CBLN2: variants seen among roughly 807,000 people sequenced by gnomAD.
CBLN2 encodes the protein cerebellin-2.
CBLN2 carries 7 observed loss-of-function variants against 15.0 expected under a neutral mutation model. The observed-to-expected ratio is 0.47, with a 90% confidence interval of 0.27 to 0.88. The LOEUF is 0.88. Among genes scored for constraint, CBLN2 ranks in the 40% least tolerant of loss-of-function variants. CBLN2 has a pLI of 0.14. For missense variants in CBLN2, 242 were observed against 304.5 expected (o/e 0.79, Z 1.53); for synonymous variants, 149 against 135.2 (o/e 1.10, Z -0.71).
At chr18:72,572,049 T>C (rs2069335652) in intron 1 of CBLN2, among the ~76,000 whole-genome samples, 1 of 152,230 alleles carries the variant, frequency 6.6e-6, no homozygotes, top group Non-Finnish European at 1.5e-5. Flanking sequence ...CTGTGCTCTC[T>C]AAATCTTACC....
intron 1 of CBLN2, among the ~76,000 whole-genome samples, chr18:72,635,394 G>T (rs867376734): frequency 1.3e-5 from 2 of 152,158 alleles, no homozygotes; most frequent in African/African-American, 2.4e-5. Context: ...GGAGGCTAGA[G>T]TTAACAAGCA....
intron 1 of CBLN2, chr18:72,619,310 G>A (rs1331023995): frequency 1.9e-5 from 11 of 585,780 alleles, no homozygotes; most frequent in Non-Finnish European, 3.4e-5. Context: ...TGTGAACTCA[G>A]CCAAGCACAG....
chr18:72,551,494 G>A (rs190927453), intron 1 of CBLN2, among the ~76,000 whole-genome samples: 21 of 152,192 alleles, frequency 1.4e-4, no homozygotes, highest in Non-Finnish European at 2.5e-4. Context: ...ACTAAAAACC[G>A]ACAGAATTAG....
At chr18:72,597,016 T>C (rs602403) in intron 1 of CBLN2, among the ~76,000 whole-genome samples, 90 of 152,338 alleles carry the variant, frequency 5.9e-4, no homozygotes, top group African/African-American at 2.1e-3. Context: ...ACCCCTATCT[T>C]TCTCTCTATC....
intron 1 of CBLN2, among the ~76,000 whole-genome samples, chr18:72,633,915 T>A (rs1300299255): frequency 6.6e-6 from 1 of 152,016 alleles, no homozygotes; most frequent in Non-Finnish European, 1.5e-5. Flanking sequence ...AAATAAATAA[T>A]CCAGATTGCT....
upstream of CBLN2, among the ~76,000 whole-genome samples, chr18:72,549,333 C>G (rs1027234133): frequency 6.6e-6 from 1 of 152,162 alleles, no homozygotes; most frequent in Admixed American, 6.5e-5. Flanking sequence ...AAGCTTGCAG[C>G]TGATGCTGAT....
intron 1 of CBLN2, among the ~76,000 whole-genome samples, chr18:72,633,576 T>C (rs985616667): frequency 6.6e-6 from 1 of 152,156 alleles, no homozygotes; most frequent in Admixed American, 6.6e-5. Context: ...TTCTCCTGAA[T>C]ACACAACTGA....
At chr18:72,568,491 T>C (rs534323879) in intron 1 of CBLN2, among the ~76,000 whole-genome samples, 1 of 152,098 alleles carries the variant, frequency 6.6e-6, no homozygotes, top group South Asian at 2.1e-4. Flanking sequence ...TGATTACTTA[T>C]TAGATTTTCA....
chr18:72,626,782 A>G (rs1231089426), intron 1 of CBLN2, among the ~76,000 whole-genome samples: 1 of 152,100 alleles, frequency 6.6e-6, no homozygotes. Flanking sequence ...ACAAATGGTG[A>G]CTCTCTGATT....
intron 1 of CBLN2, among the ~76,000 whole-genome samples, chr18:72,587,540 T>G (rs2144926204): frequency 6.6e-6 from 1 of 152,272 alleles, no homozygotes; most frequent in South Asian, 2.1e-4. Context: ...TAGGAAAGAT[T>G]TTTCTCTCTC....
chr18:72,609,351 C>A (rs911546448), intron 1 of CBLN2, among the ~76,000 whole-genome samples: 3 of 151,802 alleles, frequency 2.0e-5, no homozygotes, highest in Admixed American at 6.6e-5. Flanking sequence ...GTCACTAAAG[C>A]AACATGACTT....
chr18:72,610,442 A>C (rs2069614389), intron 1 of CBLN2, among the ~76,000 whole-genome samples: 1 of 151,994 alleles, frequency 6.6e-6, no homozygotes, highest in South Asian at 2.1e-4. Context: ...ATCTAGATTT[A>C]TTTTTGTGTA....
intron 1 of CBLN2, among the ~76,000 whole-genome samples, chr18:72,622,481 G>C (rs550523364): frequency 6.6e-6 from 1 of 152,036 alleles, no homozygotes; most frequent in Non-Finnish European, 1.5e-5. Flanking sequence ...TGACTTACTG[G>C]CAAGTCCAGA....
intron 1 of CBLN2, among the ~76,000 whole-genome samples, chr18:72,553,061 G>A (rs1287698971): frequency 1.3e-5 from 2 of 152,174 alleles, no homozygotes; most frequent in African/African-American, 4.8e-5. Context: ...GTGCATATGT[G>A]AACTTTGTGC....
In CBLN2 at chr18:72,592,840, T is replaced by C. The variant is rs148688301; in HGVS notation, c.15+45485A>G. On this transcript the variant is annotated intron_variant, in intron 1 of 2. Transcript: ENST00000581073. ...TTTCTGGCTTCTCTATTCTGTTCTA[T>C]TGGTCTTTGTACCTTTTTTATACCA... 2.1e-3 allele frequency among the ~76,000 whole-genome samples: 313 copies of C among 152,274 alleles called. 4 individuals carry two copies. The highest frequency in any genetic ancestry group is 7.3e-3 in the African/African-American group (305 of 41,564).
chr18:72,637,871 G>T (rs9956905), intron 1 of CBLN2, among the ~76,000 whole-genome samples: 146,741 of 152,240 alleles, frequency 0.96, 70,846 homozygotes, highest in East Asian at 1. Context: ...AACAATCAAC[G>T]GGGCAAGGAG....
chr18:72,614,139 A>G (rs992617052), intron 1 of CBLN2, among the ~76,000 whole-genome samples: 3 of 152,222 alleles, frequency 2.0e-5, no homozygotes, highest in Non-Finnish European at 4.4e-5. Flanking sequence ...TGAGTCAGCT[A>G]TGAATGAGCT....
At chr18:72,591,758 C>T (rs758157904) in intron 1 of CBLN2, among the ~76,000 whole-genome samples, 70 of 152,128 alleles carry the variant, frequency 4.6e-4, no homozygotes, top group Non-Finnish European at 8.2e-4. Context: ...GTTTGTCTTT[C>T]TGTGCCTGGT....
At chr18:72,546,732 C>G (rs964667031), upstream of CBLN2, among the ~76,000 whole-genome samples, 3 of 152,192 alleles carry the variant, frequency 2.0e-5, no homozygotes, top group Admixed American at 6.5e-5. Flanking sequence ...TTAACACCCA[C>G]AGCAACCCTG....
Sources: allele counts gnomAD v4.1 joint callset (sites outside exome capture counted in the v4.1 genomes callset), GRCh38; gene constraint gnomAD v4.1.1; transcripts MANE v1.5; gene names NCBI Gene and HGNC (gene_info 2026-07-23, HGNC 2026-07-21).